The following EPPK1 variants were observed in gnomAD, a reference collection of about 807,000 sequenced individuals.
EPPK1 encodes epiplakin.
For synonymous variants in EPPK1, 1,862 were observed against 1,721.2 expected, an observed-to-expected ratio of 1.08 and a Z score of -2.03; for missense variants, 3,823 against 3,673.3, an observed-to-expected ratio of 1.04 and a Z score of -1.05.
Position 143,869,362 on chromosome 8 carries a change from G to A in EPPK1, c.3892C>T (p.Leu1298=). ...ACCTTAACCGCGTCCTCCACTGACA[G>A]TCTCTGGTTGTTCAGGGGGTCAACA... ...FLVDPLNNQR[L]SVEDAVKVGL... The change falls in exon 2 of 2, where the codon CTG becomes TTG. Residue 1298 remains leucine (L), a synonymous_variant. Transcript: ENST00000615648. The A allele has an allele frequency of 1.2e-6, 2 of 1,610,978 alleles. No homozygotes were observed. The highest frequency in any genetic ancestry group is 1.7e-6 in the Non-Finnish European group (2 of 1,179,148).
At position 143,857,676 on chromosome 8, in the gene EPPK1, T is replaced by C. The variant is rs59456366; in HGVS notation, c.*311A>G. ...TGGACTGAGAGTCTAAAGAGTGACA[T>C]TCTGTAAAATGGAAGCAGTGAATCC... is the stretch of plus-strand genomic sequence containing the variant. On this transcript the variant is annotated 3_prime_UTR_variant, in exon 2 of 2. Coordinates refer to ENST00000615648, the MANE Select transcript of EPPK1 (RefSeq NM_031308.4). 5.0e-3 allele frequency: 1,741 copies of C among 351,174 alleles called. 48 individuals carry two copies. The East Asian group carries it at 0.068, about 14-fold the overall frequency. The allele number at this position is 351,174 out of a possible 1,614,324, so 21.8% of individuals were successfully genotyped here.
Position 143,869,515 on chromosome 8 carries a change from A to G in EPPK1, c.3739T>C (p.Cys1247Arg). ...GGCTGTAGCAGCACACCGGCCACGC[A>G]GCCTGTGCCCCACAGGCAGGCCTTC... ...AVKACLWGTG[C>R]VAGVLLQPSG... The change falls in exon 2 of 2, where the codon TGC (cysteine) becomes CGC (arginine). Residue 1247 changes from cysteine (C) to arginine (R), a missense_variant. Transcript: ENST00000615648. 1 of 1,551,972 alleles carries G rather than the reference A, an allele frequency of 6.4e-7. No homozygotes were observed. Among genetic ancestry groups the G allele is most frequent in the South Asian group, 1.2e-5 (1 of 84,474 alleles).
rs782030202 is a variant in EPPK1 at position 143,872,367 on chromosome 8, C to T, written c.887G>A (p.Gly296Asp). ...AGCCTGGAAAAAGCTCTTCTTGTGGCCTTCGGGCAGCAGGACAACCCCGGC... is the reference window on the plus strand; with the variant it reads ...AGCCTGGAAAAAGCTCTTCTTGTGGTCTTCGGGCAGCAGGACAACCCCGGC... ...SVAGVVLLPE[G>D]HKKSFFQAAT... Residue 296 changes from glycine to aspartate, a missense_variant, in exon 2 of 2, where the codon GGC becomes GAC. Coordinates refer to ENST00000615648, the MANE Select transcript of EPPK1 (RefSeq NM_031308.4). 1.4e-5 allele frequency: 23 copies of T among 1,604,984 alleles called. No individual in the cohort carries two copies. The highest frequency in any genetic ancestry group is 1.8e-5 in the Non-Finnish European group (21 of 1,178,904).
In EPPK1 at chr8:143,868,111, T is replaced by C. The variant is rs1554659768; in HGVS notation, c.5143A>G (p.Asn1715Asp). Residue 1715 changes from asparagine (N) to aspartate (D), a missense_variant, in exon 2 of 2, where the codon AAC becomes GAC. Physicochemically the swap from Asn to Asp is conservative, Grantham distance 23. Coordinates refer to ENST00000615648, the MANE Select transcript of EPPK1 (RefSeq NM_031308.4). ...TCGCTGGGGTCCGCCAGGATGCGGT[T>C]CATCTCCTCGTCGAAGTAGCCGCAG... ...YRCGYFDEEMNRILADPSDDT... is the reference protein window; with the variant it reads ...YRCGYFDEEMDRILADPSDDT... The C allele has an allele frequency of 6.2e-7, 1 of 1,613,344 alleles. No homozygotes were observed. The highest frequency in any genetic ancestry group is 1.7e-5 in the Admixed American group (1 of 60,034).
At chr8:143,878,129 C>T (rs1819516662) in intron 1 of EPPK1, among the ~76,000 whole-genome samples, 1 of 152,092 alleles carries the variant, frequency 6.6e-6, no homozygotes, top group African/African-American at 2.4e-5. Context: ...CCGCCCCTGG[C>T]CGCCTCTCCC....
At chr8:143,878,577 G>C (rs1187958593), upstream of EPPK1, 2 of 150,856 alleles carry the variant, frequency 1.3e-5, no homozygotes, top group Middle Eastern at 3.4e-3. Context: ...GGCAGGTGCC[G>C]GAAACCCCGC....
chr8:143,870,702 A>G lies in EPPK1; in HGVS notation c.2552T>C (p.Leu851Pro). ...GACCTCGCGCTGCCGGTAGCGACGC[A>G]GCAGCTGCCTCCTGCGGCCCTCGCT... ...YFSEGRRRQL[L>P]RRYRQREVTL... Residue 851 changes from leucine to proline, a missense_variant, in exon 2 of 2, where the codon CTG (leucine) becomes CCG (proline). By Grantham distance (98) the Leu-to-Pro change is moderately conservative. Coordinates refer to ENST00000615648, the MANE Select transcript of EPPK1 (RefSeq NM_031308.4). This position sits in a 1 kb window ranked among gnomAD's most constrained non-coding sequence, Gnocchi z 5.2. 4.3e-6 allele frequency: 7 copies of G among 1,610,830 alleles called. No homozygotes were observed. Among genetic ancestry groups the G allele is most frequent in the Non-Finnish European group, 5.9e-6 (7 of 1,178,938 alleles).
Position 143,866,081 on chromosome 8 carries a change from C to T in EPPK1, c.7173G>A (p.Thr2391=). 10 of 255,352 alleles carry T rather than the reference C, an allele frequency of 3.9e-5. No individual in the cohort carries two copies. Among genetic ancestry groups the T allele is most frequent in the South Asian group, 2.4e-4 (9 of 37,824 alleles). 15.8% of individuals were successfully genotyped at this position (255,352 alleles called of 1,614,324 possible). A position where few individuals can be genotyped will look rare whatever the true frequency, so the allele number is the denominator to read the frequency against. The change falls in exon 2 of 2, where the codon ACG becomes ACA. Residue 2391 remains threonine (T), a synonymous_variant. Coordinates refer to ENST00000615648, the MANE Select transcript of EPPK1 (RefSeq NM_031308.4). The part of the protein sequence containing the change: ...DDTKGFFDPN[T]HENLTYVQLL... ...GCTGCACGTACGTGAGGTTCTCGTG[C>T]GTGTTGGGGTCGAAGAAGCCCTTGG...
chr8:143,868,970 T>C lies in EPPK1; in HGVS notation c.4284A>G (p.Gly1428=), dbSNP rs1407719756. ...CTGAGGGCAGTGGCAACAGCAACAA[T>C]CCGGTCTCGGAGTCGCACACGCAGC... ...RERCVCDSET[G]LLLLPLPSDT... The change falls in exon 2 of 2, where the codon GGA becomes GGG. Residue 1428 remains glycine (G), a synonymous_variant. Transcript: ENST00000615648. 1 of 1,610,534 alleles carries C rather than the reference T, an allele frequency of 6.2e-7. No homozygotes were observed. The highest frequency in any genetic ancestry group is 8.5e-7 in the Non-Finnish European group (1 of 1,179,828).
chr8:143,870,929 G>A lies in EPPK1; in HGVS notation c.2325C>T (p.Asn775=), dbSNP rs1020197774. Residue 775 remains asparagine (N), a synonymous_variant, in exon 2 of 2, where the codon AAC becomes AAT. Coordinates refer to ENST00000615648, the MANE Select transcript of EPPK1 (RefSeq NM_031308.4). The surrounding 1 kb of genome is among the most constrained non-coding windows in gnomAD (Gnocchi z 5.2). ...GCTCCAGAAGCTGCAGGTACGTGAG[G>A]TTCTCGTGCGTGTTGGGGTCGAAGA... ...KGFFDPNTHE[N]LTYLQLLERC... 1.2e-6 allele frequency: 2 copies of A among 1,613,508 alleles called. No individual in the cohort carries two copies. The highest frequency in any genetic ancestry group is 2.2e-5 in the East Asian group (1 of 44,894).
rs368203446 is a variant in EPPK1 at position 143,867,101 on chromosome 8, C to T, written c.6153G>A (p.Arg2051=). The T allele has an allele frequency of 4.4e-5, 71 of 1,613,046 alleles. No homozygotes were observed. In the Admixed American group the frequency reaches 9.2e-4, roughly 21 times the overall value. Residue 2051 remains arginine (R), a synonymous_variant, in exon 2 of 2, where the codon AGG becomes AGA. Transcript: ENST00000615648. ...YALISDQKHM[R]KRFVDPNTQE... ...GCGTGTTCGGGTCCACAAACCGTTTCCTCATGTGCTTCTGGTCGGAAATGA... is the reference window on the plus strand; with the variant it reads ...GCGTGTTCGGGTCCACAAACCGTTTTCTCATGTGCTTCTGGTCGGAAATGA...
At position 143,857,794 on chromosome 8, in the gene EPPK1, T is replaced by C. The variant is rs1818921515; in HGVS notation, c.*193A>G. 1 of 504,116 alleles carries C rather than the reference T, an allele frequency of 2.0e-6. No individual in the cohort carries two copies. The highest frequency in any genetic ancestry group is 3.3e-6 in the Non-Finnish European group (1 of 298,678). 31.2% of individuals were successfully genotyped at this position (504,116 alleles called of 1,614,324 possible). ...GACCCAGAAAACACACCAAAAAACTTATGAAACACCTCGATGGACAAAGGA... is the reference window on the plus strand; with the variant it reads ...GACCCAGAAAACACACCAAAAAACTCATGAAACACCTCGATGGACAAAGGA... On this transcript the variant is annotated 3_prime_UTR_variant, in exon 2 of 2. Coordinates refer to ENST00000615648, the MANE Select transcript of EPPK1 (RefSeq NM_031308.4).
At position 143,869,553 on chromosome 8, in the gene EPPK1, TCGGCGACCTGGGC is replaced by T. The variant is rs1819264617; in HGVS notation, c.3688_3700del (p.Ala1230SerfsTer5). 1.3e-6 allele frequency: 2 copies of T among 1,559,762 alleles called. No individual in the cohort carries two copies. Among genetic ancestry groups the T allele is most frequent in the Non-Finnish European group, 1.7e-6 (2 of 1,154,604 alleles). On this transcript the variant is annotated frameshift_variant, in exon 2 of 2. Coordinates refer to ENST00000615648, the MANE Select transcript of EPPK1 (RefSeq NM_031308.4). LOFTEE classifies it low-confidence loss of function (END_TRUNC). ...CAGGCAGGCCTTCACCGCCGGCTGCTCGGCGACCTGGGCGGGCGACTGCGTGCCCTGAGCCAGG... is the reference window on the plus strand; with the variant it reads ...CAGGCAGGCCTTCACCGCCGGCTGCTGGGCGACTGCGTGCCCTGAGCCAGG...
rs782737366 is a variant in EPPK1 at position 143,869,339 on chromosome 8, C to T, written c.3915G>A (p.Lys1305=). ...TCAGCTCCCTGCCCACCAGGCCGAC[C>T]TTAACCGCGTCCTCCACTGACAGTC... ...NQRLSVEDAV[K]VGLVGRELSE... Residue 1305 remains lysine, a synonymous_variant, in exon 2 of 2, where the codon AAG becomes AAA. Transcript: ENST00000615648. 17 of 1,609,656 alleles carry T rather than the reference C, an allele frequency of 1.1e-5. No homozygotes were observed. The Admixed American group carries it at 1.8e-4, about 17-fold the overall frequency.
At chr8:143,878,542 C>T (rs1217595809), upstream of EPPK1, 1 of 129,978 alleles carries the variant, frequency 7.7e-6, no homozygotes, top group African/African-American at 2.8e-5. Context: ...CAGGTCGGGG[C>T]CCCGACGCGG....
In EPPK1 at chr8:143,870,365, C is replaced by G; in HGVS notation, c.2889G>C (p.Leu963=). 1 of 1,561,084 alleles carries G rather than the reference C, an allele frequency of 6.4e-7. No homozygotes were observed. Among genetic ancestry groups the G allele is most frequent in the East Asian group, 2.3e-5 (1 of 43,108 alleles). Residue 963 remains leucine, a synonymous_variant, in exon 2 of 2, where the codon CTG becomes CTC. Transcript: ENST00000615648. This position sits in a 1 kb window ranked among gnomAD's most constrained non-coding sequence, Gnocchi z 5.2. ...KLLGPRVALA[L]LEAQAATGTI... is the part of the protein sequence containing the mutation. Reference sequence around the variant, plus strand: ...TTCCGGTGGCCGCCTGGGCCTCCAGCAGGGCCAGGGCCACCCTGGGCCCCA... The same window carrying G: ...TTCCGGTGGCCGCCTGGGCCTCCAGGAGGGCCAGGGCCACCCTGGGCCCCA...
At position 143,872,601 on chromosome 8, in the gene EPPK1, C is replaced by T. The variant is rs1554661640; in HGVS notation, c.653G>A (p.Cys218Tyr). Reference protein sequence around the residue: ...RLTYHQLLERCVRAPGSGLAL... With the variant: ...RLTYHQLLERYVRAPGSGLAL... ...TAGCCCCGAGCCGGGGGCACGCACACACCTTTCCAGCAGCTGGTGGTATGT... is the reference window on the plus strand; with the variant it reads ...TAGCCCCGAGCCGGGGGCACGCACATACCTTTCCAGCAGCTGGTGGTATGT... The change falls in exon 2 of 2, where the codon TGT (cysteine) becomes TAT (tyrosine). Residue 218 changes from cysteine (C) to tyrosine (Y), a missense_variant. By Grantham distance (194) the Cys-to-Tyr change is radical. Coordinates refer to ENST00000615648, the MANE Select transcript of EPPK1 (RefSeq NM_031308.4). The T allele has an allele frequency of 1.9e-6, 3 of 1,610,510 alleles. No individual in the cohort carries two copies. Among genetic ancestry groups the T allele is most frequent in the East Asian group, 2.2e-5 (1 of 44,858 alleles).
chr8:143,866,769 A>C lies in EPPK1; in HGVS notation c.6485T>G (p.Ile2162Ser). 9.3e-6 allele frequency: 15 copies of C among 1,613,404 alleles called. No homozygotes were observed. Among genetic ancestry groups the C allele is most frequent in the Non-Finnish European group, 1.3e-5 (15 of 1,179,846 alleles). The change falls in exon 2 of 2, where the codon ATC (isoleucine) becomes AGC (serine). Residue 2162 changes from isoleucine (I) to serine (S), a missense_variant. By Grantham distance (142) the Ile-to-Ser change is moderately radical (BLOSUM62 -2). Transcript: ENST00000615648. ...TTTGTTGCTGGTTTCCTGCTTCTCG[A>C]TCAACTCTAAGATGAGCTGCGCTAC... is the stretch of plus-strand genomic sequence containing the variant. ...QTVAQLILEL[I>S]EKQETSNKHL...
upstream of EPPK1, among the ~76,000 whole-genome samples, chr8:143,878,617 G>A (rs1554662738): frequency 6.6e-6 from 1 of 151,610 alleles, no homozygotes; most frequent in Non-Finnish European, 1.5e-5. Context: ...TGCACCCCGG[G>A]CAAGGGGCGG....
Sources: allele counts gnomAD v4.1 joint callset (sites outside exome capture counted in the v4.1 genomes callset), GRCh38; gene constraint gnomAD v4.1.1; non-coding constraint Gnocchi (gnomAD v3.1); transcripts MANE v1.5; gene names NCBI Gene and HGNC (gene_info 2026-07-23, HGNC 2026-07-21).